The following SAMD3 variants were observed in gnomAD, a reference collection of about 807,000 sequenced individuals.
SAMD3 encodes sterile alpha motif domain containing 3.
A neutral mutation model predicts 58.5 loss-of-function variants in SAMD3; 63 were observed. The observed-to-expected ratio is 1.08, with a 90% confidence interval of 0.88 to 1.33. The LOEUF (loss-of-function observed/expected upper bound fraction) is 1.33. Among genes scored for constraint, SAMD3 ranks in the 40% most tolerant of loss-of-function variants. The pLI is 0.00. For missense variants in SAMD3, 604 were observed against 608.4 expected, an observed-to-expected ratio of 0.99 and a Z score of 0.08; for synonymous variants, 220 against 210.3, an observed-to-expected ratio of 1.05 and a Z score of -0.40.
intron 1 of SAMD3, among the ~76,000 whole-genome samples, chr6:130,363,815 G>A (rs1251653174): frequency 2.0e-5 from 3 of 152,188 alleles, no homozygotes; most frequent in East Asian, 1.9e-4. Context: ...AAAATATTAT[G>A]TGTGAAGTGC....
At chr6:130,303,193 T>C (rs1358165538) in intron 2 of SAMD3, among the ~76,000 whole-genome samples, 1 of 152,184 alleles carries the variant, frequency 6.6e-6, no homozygotes, top group African/African-American at 2.4e-5. Flanking sequence ...GCAGCATGTC[T>C]CCTGTAAGTA....
chr6:130,181,312 C>T (rs1308357049), intron 7 of SAMD3, among the ~76,000 whole-genome samples: 1 of 152,096 alleles, frequency 6.6e-6, no homozygotes, highest in African/African-American at 2.4e-5. Flanking sequence ...TTTGTGCACC[C>T]TTTTTCTTTC....
intron 8 of SAMD3, among the ~76,000 whole-genome samples, chr6:130,167,344 G>A (rs985725005): frequency 1.1e-4 from 16 of 152,018 alleles, no homozygotes; most frequent in African/African-American, 3.6e-4. Context: ...ATAGAAATGG[G>A]GACAGAAAGG....
chr6:130,202,860 C>A (rs957460288), intron 5 of SAMD3, among the ~76,000 whole-genome samples: 1 of 152,224 alleles, frequency 6.6e-6, no homozygotes, highest in Non-Finnish European at 1.5e-5. Context: ...TGCCCTGGGA[C>A]TCAGGATCTA....
intron 2 of SAMD3, among the ~76,000 whole-genome samples, chr6:130,229,759 T>C (rs566758947): frequency 6.6e-6 from 1 of 152,174 alleles, no homozygotes; most frequent in East Asian, 1.9e-4. Flanking sequence ...TTCGTATTTT[T>C]AGCGCTTAGT....
chr6:130,235,967 A>G (rs933463415), intron 2 of SAMD3, among the ~76,000 whole-genome samples: 21 of 152,340 alleles, frequency 1.4e-4, no homozygotes, highest in Non-Finnish European at 2.8e-4. Context: ...AATAGCTAAT[A>G]AGGAAAGCTG....
intron 5 of SAMD3, among the ~76,000 whole-genome samples, chr6:130,192,569 C>G (rs1164744499): frequency 6.6e-6 from 1 of 151,794 alleles, no homozygotes; most frequent in African/African-American, 2.4e-5. Context: ...CCTTTACCTT[C>G]CCAAATCCTA....
chr6:130,155,137 G>T, intron 8 of SAMD3, 112 bp from the exon 9 acceptor site: 1 of 707,446 alleles, frequency 1.4e-6, no homozygotes, highest in Non-Finnish European at 2.4e-6. Flanking sequence ...CACCATACCT[G>T]GTTACACTTG....
Position 130,344,699 on chromosome 6 carries a change from T to C in SAMD3, c.-304+20421A>G, listed in dbSNP as rs145054243. On this transcript the variant is annotated intron_variant, in intron 1 of 13. Coordinates refer to the SAMD3 transcript ENST00000368134. ...CCATGGAGCCCAGCCATTCCCTGGC[T>C]TGTAACAGGGAATCCTTTGCTGCAG... Among the ~76,000 whole-genome samples the C allele has an allele frequency of 7.7e-3, 1,166 of 152,048 alleles. 19 individuals are homozygous for C. Among genetic ancestry groups the C allele is most frequent in the African/African-American group, 0.027 (1,112 of 41,466 alleles).
At chr6:130,238,647 T>C (rs1773249451) in intron 2 of SAMD3, among the ~76,000 whole-genome samples, 1 of 152,134 alleles carries the variant, frequency 6.6e-6, no homozygotes, top group South Asian at 2.1e-4. Flanking sequence ...ACTGAGCCCA[T>C]GCTGTCCACA....
At chr6:130,357,925 C>T (rs750354692) in intron 1 of SAMD3, among the ~76,000 whole-genome samples, 1 of 152,128 alleles carries the variant, frequency 6.6e-6, no homozygotes, top group Non-Finnish European at 1.5e-5. Flanking sequence ...AACAGGAAGA[C>T]AAAAGAGCTG....
At chr6:130,168,734 T>C (rs986342125) in intron 8 of SAMD3, among the ~76,000 whole-genome samples, 5 of 152,196 alleles carry the variant, frequency 3.3e-5, no homozygotes, top group Non-Finnish European at 7.4e-5. Context: ...TTGTGCCCAG[T>C]TAAAAAATTT....
intron 8 of SAMD3, among the ~76,000 whole-genome samples, chr6:130,171,830 T>C (rs1276792832): frequency 6.6e-6 from 1 of 152,224 alleles, no homozygotes; most frequent in Non-Finnish European, 1.5e-5. Flanking sequence ...CTACTATTAT[T>C]GTGTGGGAGT....
chr6:130,154,382 A>G (rs997001802), intron 9 of SAMD3, among the ~76,000 whole-genome samples: 13 of 151,716 alleles, frequency 8.6e-5, no homozygotes, highest in Non-Finnish European at 1.5e-4. Context: ...CTGTCTTGCT[A>G]TGTTGTCCTG....
chr6:130,153,708 C>A (rs963080406), intron 9 of SAMD3, among the ~76,000 whole-genome samples: 29 of 138,134 alleles, frequency 2.1e-4, no homozygotes, highest in Non-Finnish European at 4.2e-4. Flanking sequence ...CAGGGTCTCA[C>A]TGTGTCACCA....
chr6:130,231,811 T>TG (rs371803626), intron 2 of SAMD3, among the ~76,000 whole-genome samples: 2 of 150,508 alleles, frequency 1.3e-5, no homozygotes, highest in South Asian at 4.2e-4. Context: ...AATTATAGTT[T>TG]GTTTTTTTTT....
At position 130,215,575 on chromosome 6, in the gene SAMD3, A is replaced by G; in HGVS notation, c.-21-281T>C. On this transcript the variant is annotated intron_variant, in intron 2 of 11. Transcript: ENST00000439090. ...TCCACAGGCATCTCTAAGCTTTACT[A>G]ACAGACAGCCAGGGACATACAATGG... The G allele has an allele frequency of 4.5e-6, 6 of 1,342,196 alleles. No homozygotes were observed. The South Asian group carries it at 1.3e-4, about 30-fold the overall frequency. 83.1% of individuals were successfully genotyped at this position (1,342,196 alleles called of 1,614,324 possible).
intron 1 of SAMD3, among the ~76,000 whole-genome samples, chr6:130,351,308 A>G (rs893700672): frequency 6.6e-6 from 1 of 152,210 alleles, no homozygotes; most frequent in African/African-American, 2.4e-5. Flanking sequence ...AATGGGAGAA[A>G]ATTTTTGCAA....
At chr6:130,252,778 G>A (rs188634016) in intron 2 of SAMD3, among the ~76,000 whole-genome samples, 159 of 152,314 alleles carry the variant, frequency 1.0e-3, no homozygotes, top group Non-Finnish European at 1.6e-3. Context: ...TAATTCAGCT[G>A]TGGCACAGGA....
Sources: gnomAD v4.1 joint callset for allele counts (sites outside exome capture counted in the v4.1 genomes callset) on GRCh38, gnomAD v4.1.1 for gene constraint, MANE v1.5 for transcripts, NCBI Gene and HGNC (gene_info 2026-07-23, HGNC 2026-07-21) for gene names.